The following STX8 variants were observed in gnomAD, a reference collection of about 807,000 sequenced individuals.
The protein encoded by STX8 is syntaxin 8.
In STX8, 23 loss-of-function variants were observed where a neutral mutation model predicts 37.5. The observed-to-expected ratio is 0.61, with a 90% CI of 0.44 to 0.87. The LOEUF (loss-of-function observed/expected upper bound fraction) is 0.87. Ranked by LOEUF, STX8 falls within the 40% of genes least tolerant of loss-of-function variation. The pLI, the probability that STX8 is intolerant of heterozygous loss-of-function variation, is 0.00. For synonymous variants in STX8, 115 were observed against 99.1 expected (o/e 1.16, Z -0.95); for missense variants, 313 against 284.7 (o/e 1.10, Z -0.71).
chr17:9,423,725 A>T (rs765830705), intron 6 of STX8, among the ~76,000 whole-genome samples: 11 of 152,184 alleles, frequency 7.2e-5, no homozygotes, highest in Non-Finnish European at 1.3e-4. Flanking sequence ...TTATTTTCTT[A>T]CCCTTGCAGG....
intron 2 of STX8, among the ~76,000 whole-genome samples, chr17:9,558,018 G>GA (rs1269122273): frequency 6.6e-6 from 1 of 152,150 alleles, no homozygotes; most frequent in Non-Finnish European, 1.5e-5. Context: ...ATAACCCAAT[G>GA]AAACGTTTTA....
intron 2 of STX8, among the ~76,000 whole-genome samples, chr17:9,567,385 T>C (rs1907503632): frequency 6.6e-6 from 1 of 152,208 alleles, no homozygotes; most frequent in Non-Finnish European, 1.5e-5. Flanking sequence ...ACTCAAATTT[T>C]GAACTCAGTG....
chr17:9,382,055 A>C (rs1460580686), intron 6 of STX8, among the ~76,000 whole-genome samples: 1 of 152,134 alleles, frequency 6.6e-6, no homozygotes, highest in Non-Finnish European at 1.5e-5. Context: ...TTTCTATACA[A>C]TACTCAGAAC....
At chr17:9,333,601 G>A (rs773709476) in intron 7 of STX8, among the ~76,000 whole-genome samples, 3 of 152,140 alleles carry the variant, frequency 2.0e-5, no homozygotes, top group Admixed American at 1.3e-4. Flanking sequence ...GTGTTAGCCA[G>A]GATGGTCTGG....
chr17:9,450,763 C>A (rs1006773047), intron 6 of STX8, among the ~76,000 whole-genome samples: 3 of 151,992 alleles, frequency 2.0e-5, no homozygotes, highest in African/African-American at 7.2e-5. Flanking sequence ...GCACTTTTCT[C>A]CCCATTCACA....
At chr17:9,376,216 C>T (rs11867894) in intron 7 of STX8, among the ~76,000 whole-genome samples, 13,863 of 151,952 alleles carry the variant, frequency 0.091, 1,793 homozygotes, top group African/African-American at 0.29. Context: ...CTGTGTCTCG[C>T]TAAAGGTTTG....
chr17:9,398,452 C>T (rs7224253), intron 6 of STX8, among the ~76,000 whole-genome samples: 1 of 152,132 alleles, frequency 6.6e-6, no homozygotes, highest in African/African-American at 2.4e-5. Context: ...GTCTGAGACA[C>T]CGCCACAGCT....
chr17:9,575,775 C>A lies in STX8; in HGVS notation c.17+17G>T. 6.5e-7 allele frequency: 1 copy of A among 1,546,438 alleles called. No homozygotes were observed. Among genetic ancestry groups the A allele is most frequent in the Non-Finnish European group, 8.7e-7 (1 of 1,146,230 alleles). On this transcript the variant is annotated intron_variant, in intron 1 of 7. Transcript: ENST00000306357. The stretch of plus-strand genomic sequence containing the variant: ...CGAAGGTCCCTCCACGCACCGCCGC[C>A]CTCACCCGGGACTCACCAGGGGTCC...
At chr17:9,549,279 T>C (rs1906670595) in intron 3 of STX8, among the ~76,000 whole-genome samples, 1 of 152,216 alleles carries the variant, frequency 6.6e-6, no homozygotes, top group South Asian at 2.1e-4. Flanking sequence ...GATTTAAACT[T>C]ACGTCAAGAA....
At chr17:9,433,538 A>G (rs1914047678) in intron 6 of STX8, among the ~76,000 whole-genome samples, 1 of 152,134 alleles carries the variant, frequency 6.6e-6, no homozygotes, top group Admixed American at 6.5e-5. Flanking sequence ...CCTCCTCCAT[A>G]GATTGTGATG....
At chr17:9,368,676 C>T (rs1911306437) in intron 7 of STX8, among the ~76,000 whole-genome samples, 1 of 152,132 alleles carries the variant, frequency 6.6e-6, no homozygotes, top group South Asian at 2.1e-4. Context: ...TCCTCCCTCC[C>T]TCCTTTTCCT....
chr17:9,444,093 G>A (rs1657076229), intron 6 of STX8, among the ~76,000 whole-genome samples: 1 of 151,976 alleles, frequency 6.6e-6, no homozygotes, highest in African/African-American at 2.4e-5. Flanking sequence ...TCTATTTCCT[G>A]TCCACCAGTC....
intron 6 of STX8, among the ~76,000 whole-genome samples, chr17:9,384,794 T>TTGTGTGTGTGTGTGTGTG (rs59655296): frequency 0.019 from 2,793 of 147,708 alleles, 47 homozygotes; most frequent in African/African-American, 0.047. Flanking sequence ...CCAGATAGAC[T>TTGTGTGTGTGTGTGTGTG]TGTGTGTGTG....
At chr17:9,518,396 G>A (rs552269262) in intron 4 of STX8, among the ~76,000 whole-genome samples, 29 of 151,936 alleles carry the variant, frequency 1.9e-4, no homozygotes, top group African/African-American at 6.8e-4. Flanking sequence ...CTCCTCTCTT[G>A]GCTTCCTCCA....
chr17:9,256,771 C>A (rs1399267462), intron 7 of STX8, among the ~76,000 whole-genome samples: 1 of 152,170 alleles, frequency 6.6e-6, no homozygotes, highest in African/African-American at 2.4e-5. Context: ...CGCAGCCGAC[C>A]CCCCTGCCGG....
intron 6 of STX8, among the ~76,000 whole-genome samples, chr17:9,485,396 T>C (rs987456755): frequency 1.3e-5 from 2 of 152,132 alleles, no homozygotes; most frequent in Admixed American, 6.5e-5. Flanking sequence ...CTGGCTTCTA[T>C]GACATATATA....
chr17:9,445,081 G>A (rs1904791539), intron 6 of STX8, among the ~76,000 whole-genome samples: 1 of 152,140 alleles, frequency 6.6e-6, no homozygotes, highest in Non-Finnish European at 1.5e-5. Context: ...TAGGGAAGCT[G>A]AGCAGGTTGC....
chr17:9,394,359 A>ATTAT (rs894440054), intron 6 of STX8, among the ~76,000 whole-genome samples: 10 of 152,016 alleles, frequency 6.6e-5, no homozygotes, highest in African/African-American at 2.2e-4. Context: ...AAAAGCTCAT[A>ATTAT]TTATTTATTT....
chr17:9,416,046 C>T (rs751322037), intron 6 of STX8, among the ~76,000 whole-genome samples: 11 of 152,210 alleles, frequency 7.2e-5, no homozygotes, highest in Non-Finnish European at 1.5e-4. Flanking sequence ...TCCAGGCAGT[C>T]ATTTCCCTTG....
Sources: gnomAD v4.1 joint callset for allele counts (sites outside exome capture counted in the v4.1 genomes callset) on GRCh38, gnomAD v4.1.1 for gene constraint, MANE v1.5 for transcripts, NCBI Gene and HGNC (gene_info 2026-07-23, HGNC 2026-07-21) for gene names.